PCDH11X: variants seen among roughly 807,000 people sequenced by gnomAD.
PCDH11X encodes protocadherin 11 X-linked, also known as protocadherin-11 X-linked.
A neutral mutation model predicts 53.3 loss-of-function variants in PCDH11X; 18 were observed. The observed-to-expected ratio is 0.34, with a 90% CI of 0.23 to 0.50. The LOEUF (loss-of-function observed/expected upper bound fraction) is 0.50. PCDH11X is among the 20% of genes least tolerant of loss of function. The probability of loss-of-function intolerance (pLI) is 0.98; values close to 1 mark genes in which losing one functional copy is unlikely to be tolerated. For missense variants in PCDH11X, 570 were observed against 1,032.4 expected (o/e 0.55, Z 6.14); for synonymous variants, 279 against 393.3 (o/e 0.71, Z 3.44).
intron 8 of PCDH11X, among the ~76,000 whole-genome samples, chrX:92,275,892 A>G (rs1382307253): frequency 1.8e-5 from 2 of 110,022 alleles, no homozygotes; most frequent in Non-Finnish European, 3.8e-5. Context: ...GAAGGAGTAG[A>G]GGTATTTTAT....
rs772714468 is a variant in PCDH11X at position 92,427,285 on chromosome X, A to G, written c.3343+39352A>G. ...AGCATTAAGTTTCCAAATTTTTTCT[A>G]GTTTAAAAAATAACCTCTAATATTG... On this transcript the variant is annotated intron_variant, in intron 9 of 10. Coordinates refer to ENST00000682573, the MANE Select transcript of PCDH11X (RefSeq NM_032968.5). 2.9e-5 allele frequency among the ~76,000 whole-genome samples: 3 copies of G among 102,233 alleles called. No individual in the cohort carries two copies. In the East Asian group the frequency reaches 9.6e-4, roughly 33 times the overall value. 88.8% of individuals were successfully genotyped at this position (102,233 alleles called of 115,157 possible). A position where few individuals can be genotyped will look rare whatever the true frequency, so the allele number is the denominator to read the frequency against.
intron 6 of PCDH11X, among the ~76,000 whole-genome samples, chrX:91,905,887 C>T (rs935278098): frequency 4.5e-5 from 5 of 110,812 alleles, no homozygotes; most frequent in African/African-American, 1.3e-4. Context: ...TTTATTGTGA[C>T]GTTTCCTGCA....
chrX:92,024,481 A>T (rs1442122058), intron 6 of PCDH11X, among the ~76,000 whole-genome samples: 1 of 110,713 alleles, frequency 9.0e-6, no homozygotes. Context: ...CTCTTCAAGG[A>T]GAACTGCAAA....
At chrX:92,078,162 G>C (rs1327130504) in intron 6 of PCDH11X, among the ~76,000 whole-genome samples, 1 of 107,426 alleles carries the variant, frequency 9.3e-6, no homozygotes, top group African/African-American at 3.4e-5. Flanking sequence ...GAACTTCAGG[G>C]CTTTTTTTTT....
At chrX:92,551,689 T>G in intron 10 of PCDH11X, among the ~76,000 whole-genome samples, 1 of 110,934 alleles carries the variant, frequency 9.0e-6, no homozygotes, top group Non-Finnish European at 1.9e-5. Flanking sequence ...GTTTGAAGTC[T>G]TAGATTTAAA....
chrX:92,521,490 T>C (rs2074369604), intron 10 of PCDH11X, among the ~76,000 whole-genome samples: 1 of 111,863 alleles, frequency 8.9e-6, no homozygotes, highest in Non-Finnish European at 1.9e-5. Flanking sequence ...CAGGCTTTGA[T>C]GTTCCATTTA....
chrX:92,091,846 A>G (rs1448917134), intron 6 of PCDH11X, among the ~76,000 whole-genome samples: 2 of 111,323 alleles, frequency 1.8e-5, no homozygotes, highest in Non-Finnish European at 3.8e-5. Context: ...TTATTTTACA[A>G]TAAGACCTAA....
intron 10 of PCDH11X, among the ~76,000 whole-genome samples, chrX:92,575,934 T>TACACACACACAC (rs1353338801): frequency 3.4e-4 from 8 of 23,565 alleles, no homozygotes; most frequent in African/African-American, 9.3e-4. Flanking sequence ...TATATATATA[T>TACACACACACAC]ATATATATAT....
chrX:92,460,167 T>C (rs1448281819), intron 9 of PCDH11X: 43 of 950,709 alleles, frequency 4.5e-5, no homozygotes, highest in Non-Finnish European at 6.1e-5. Context: ...GAGTCAAGTA[T>C]GAGACACAGC....
At chrX:92,253,777 G>T (rs769718808) in intron 7 of PCDH11X, among the ~76,000 whole-genome samples, 1 of 111,644 alleles carries the variant, frequency 9.0e-6, no homozygotes, top group Admixed American at 9.5e-5. Context: ...ACTGATTTTT[G>T]TATGTTCATT....
chrX:92,003,907 T>C (rs2062553523), intron 6 of PCDH11X, among the ~76,000 whole-genome samples: 1 of 110,937 alleles, frequency 9.0e-6, no homozygotes. Context: ...ATATTTATTA[T>C]CTCTTTTCTT....
chrX:92,445,617 T>G (rs1172205689), intron 9 of PCDH11X, among the ~76,000 whole-genome samples: 1 of 109,425 alleles, frequency 9.1e-6, no homozygotes, highest in Non-Finnish European at 1.9e-5. Flanking sequence ...TTTAAAGGAA[T>G]CAGGAGAAGT....
chrX:91,947,332 A>G (rs1425040585), intron 6 of PCDH11X, among the ~76,000 whole-genome samples: 3 of 107,552 alleles, frequency 2.8e-5, no homozygotes, highest in African/African-American at 1.0e-4. Context: ...TCAAGAATAT[A>G]GAGTGCAGAA....
At chrX:92,418,406 G>A (rs1057470344) in intron 9 of PCDH11X, among the ~76,000 whole-genome samples, 9 of 110,697 alleles carry the variant, frequency 8.1e-5, no homozygotes, top group African/African-American at 2.6e-4. Flanking sequence ...TTCCTAGATA[G>A]CATTTTAGTG....
In PCDH11X at chrX:92,474,392, C is replaced by T. The variant is rs2073332425; in HGVS notation, c.3367+6070C>T. 2.8e-5 allele frequency among the ~76,000 whole-genome samples: 3 copies of T among 107,448 alleles called. No homozygotes were observed. In the Admixed American group the frequency reaches 3.0e-4, roughly 11 times the overall value. 93.3% of individuals were successfully genotyped at this position (107,448 alleles called of 115,157 possible). The stretch of plus-strand genomic sequence containing the variant: ...CAATAGATTATATAGTTTTTTTAAT[C>T]CATTAATCCACTCTATGCCTTTTGA... On this transcript the variant is annotated intron_variant, in intron 10 of 10. Transcript: ENST00000682573.
intron 4 of PCDH11X, among the ~76,000 whole-genome samples, chrX:91,822,596 C>G (rs1382050394): frequency 6.7e-4 from 70 of 104,220 alleles, no homozygotes; most frequent in African/African-American, 2.4e-3. Flanking sequence ...AGCAGTCTAT[C>G]AATTTTGTTG....
chrX:92,433,054 G>T (rs1382643057), intron 9 of PCDH11X, among the ~76,000 whole-genome samples: 1 of 110,153 alleles, frequency 9.1e-6, no homozygotes, highest in Non-Finnish European at 1.9e-5. Context: ...GACAATAAAT[G>T]AACTACCTTA....
At chrX:92,611,029 T>A (rs1291806890) in intron 10 of PCDH11X, among the ~76,000 whole-genome samples, 1 of 111,255 alleles carries the variant, frequency 9.0e-6, no homozygotes, top group Admixed American at 9.6e-5. Flanking sequence ...TCAGATAATG[T>A]GATGCCTCCA....
chrX:92,079,445 A>G (rs1361343824), intron 6 of PCDH11X, among the ~76,000 whole-genome samples: 11 of 110,855 alleles, frequency 9.9e-5, no homozygotes, highest in Non-Finnish European at 2.1e-4. Flanking sequence ...GGCAGGAAAC[A>G]GTGCAATGTA....
Sources: allele counts gnomAD v4.1 joint callset (sites outside exome capture counted in the v4.1 genomes callset), GRCh38; gene constraint gnomAD v4.1.1; transcripts MANE v1.5; gene names NCBI Gene and HGNC (gene_info 2026-07-23, HGNC 2026-07-21).